Variants in PCDHB13 observed in about 807,000 individuals in gnomAD.
PCDHB13 encodes the protein protocadherin beta 13, also known as protocadherin beta-13.
For missense variants in PCDHB13, 1,065 were observed against 1,016.7 expected, an observed-to-expected ratio of 1.05 and a Z score of -0.65; for synonymous variants, 515 against 450.7, an observed-to-expected ratio of 1.14 and a Z score of -1.81.
Position 141,216,112 on chromosome 5 carries a change from G to A in PCDHB13, c.1989G>A (p.Val663=), listed in dbSNP as rs1554288108. The A allele has an allele frequency of 2.5e-6, 4 of 1,609,098 alleles. No individual in the cohort carries two copies. In the Admixed American group the frequency reaches 6.7e-5, roughly 27 times the overall value. ...CCGCCACGCTGCACGTGCTCCTGGT[G>A]GACGGCTTCTCCCAGCCCTACCTGC... ...SATATLHVLL[V]DGFSQPYLPL... Residue 663 remains valine (V), a synonymous_variant, in exon 1 of 1, where the codon GTG becomes GTA. Transcript: ENST00000341948.
rs781954350 is a variant in PCDHB13, at chr5:141,214,722, C to T, written c.599C>T (p.Ala200Val). Residue 200 changes from alanine (A) to valine (V), a missense_variant, in exon 1 of 1, where the codon GCG (alanine) becomes GTG (valine). Transcript: ENST00000341948. ...RKYPELVLDKALDREEEAELR... is the reference protein window; with the variant it reads ...RKYPELVLDKVLDREEEAELR... Reference sequence around the variant, plus strand: ...TACCCAGAGCTGGTGCTGGACAAAGCGCTGGACCGAGAGGAAGAAGCTGAG... The same window carrying T: ...TACCCAGAGCTGGTGCTGGACAAAGTGCTGGACCGAGAGGAAGAAGCTGAG... The T allele has an allele frequency of 2.2e-5, 35 of 1,613,986 alleles. No individual in the cohort carries two copies. The South Asian group carries it at 3.2e-4, about 15-fold the overall frequency.
Position 141,217,285 on chromosome 5 carries a change from T to C in PCDHB13, c.*765T>C, listed in dbSNP as rs1754640088. On this transcript the variant is annotated 3_prime_UTR_variant, in exon 1 of 1. Transcript: ENST00000341948. ...GTGTTAATGTGTAAAAATTTTTGCC[T>C]GTACTATCATATAATTTAATGTATA... 6.0e-6 allele frequency: 1 copy of C among 167,082 alleles called. No individual in the cohort carries two copies. The highest frequency in any genetic ancestry group is 1.5e-5 in the Non-Finnish European group (1 of 68,140). The allele number at this position is 167,082 out of a possible 1,614,324, so 10.3% of individuals were successfully genotyped here. A position where few individuals can be genotyped will look rare whatever the true frequency, so the allele number is the denominator to read the frequency against.
rs1754512137 is a variant in PCDHB13, at chr5:141,213,919, G to C, written c.-205G>C. 1.7e-6 allele frequency: 1 copy of C among 595,266 alleles called. No individual in the cohort carries two copies. Among genetic ancestry groups the C allele is most frequent in the Non-Finnish European group, 3.1e-6 (1 of 325,304 alleles). 36.9% of individuals were successfully genotyped at this position (595,266 alleles called of 1,614,324 possible). ...GAAGGCACAAACCAGAACCGCAGCT[G>C]CAGCTCCATTAACCGGCAAAAAGCA... On this transcript the variant is annotated 5_prime_UTR_variant, in exon 1 of 1. Transcript: ENST00000341948.
In PCDHB13 at chr5:141,214,722, C is replaced by G; in HGVS notation, c.599C>G (p.Ala200Gly). The change falls in exon 1 of 1, where the codon GCG (alanine) becomes GGG (glycine). Residue 200 changes from alanine (A) to glycine (G), a missense_variant. Ala to Gly is a moderately conservative substitution (Grantham distance 60). Coordinates refer to ENST00000341948, the MANE Select transcript of PCDHB13 (RefSeq NM_018933.4). ...TACCCAGAGCTGGTGCTGGACAAAG[C>G]GCTGGACCGAGAGGAAGAAGCTGAG... ...RKYPELVLDK[A>G]LDREEEAELR... is the part of the protein sequence containing the mutation. 6.2e-7 allele frequency: 1 copy of G among 1,614,104 alleles called. No homozygotes were observed. The highest frequency in any genetic ancestry group is 1.1e-5 in the South Asian group (1 of 91,082).
Position 141,215,281 on chromosome 5 carries a change from T to G in PCDHB13, c.1158T>G (p.Ile386Met). The change falls in exon 1 of 1, where the codon ATT becomes ATG. Residue 386 changes from isoleucine (I) to methionine (M), a missense_variant. Physicochemically the swap from Ile to Met is conservative, Grantham distance 10. Coordinates refer to ENST00000341948, the MANE Select transcript of PCDHB13 (RefSeq NM_018933.4). ...AAAATGGGAAAATTAGTTGCTCCAT[T>G]CAGGAGGATCTACCCTTCCTCCTGA... The part of the protein sequence containing the change: ...SGENGKISCS[I>M]QEDLPFLLKS... The G allele has an allele frequency of 3.1e-6, 5 of 1,614,042 alleles. No individual in the cohort carries two copies. The highest frequency in any genetic ancestry group is 4.2e-6 in the Non-Finnish European group (5 of 1,180,012).
rs370660072 is a variant in PCDHB13 at position 141,216,546 on chromosome 5, G to T, written c.*26G>T. 6.4e-7 allele frequency: 1 copy of T among 1,559,244 alleles called. No individual in the cohort carries two copies. The highest frequency in any genetic ancestry group is 1.1e-5 in the South Asian group (1 of 89,874). ...CCATAGTTGACTTTTACATTCCATA[G>T]GTATTTTATTTTGTGGCATTTCCAT... is the stretch of plus-strand genomic sequence containing the variant. On this transcript the variant is annotated 3_prime_UTR_variant, in exon 1 of 1. Coordinates refer to ENST00000341948, the MANE Select transcript of PCDHB13 (RefSeq NM_018933.4).
At position 141,214,946 on chromosome 5, in the gene PCDHB13, A is replaced by G. The variant is rs1554287757; in HGVS notation, c.823A>G (p.Asn275Asp). Residue 275 changes from asparagine (N) to aspartate (D), a missense_variant, in exon 1 of 1, where the codon AAC becomes GAC. Transcript: ENST00000341948. Reference sequence around the variant, plus strand: ...TGCCACGGATGTAGACACAGGAGTCAACGGAGAGATTTCCTATTCACTTTT... The same window carrying G: ...TGCCACGGATGTAGACACAGGAGTCGACGGAGAGATTTCCTATTCACTTTT... ...VSATDVDTGV[N>D]GEISYSLFQA... 4.3e-6 allele frequency: 7 copies of G among 1,614,126 alleles called. No homozygotes were observed. The highest frequency in any genetic ancestry group is 5.9e-6 in the Non-Finnish European group (7 of 1,180,048).
rs782573875 is a variant in PCDHB13 at position 141,215,979 on chromosome 5, C to A, written c.1856C>A (p.Ala619Glu). Reference sequence around the variant, plus strand: ...GAGCTCGGTCTGTTCGGCGTGTGGGCGCACAATGGCGAGGTGCGCACCGCC... The same window carrying A: ...GAGCTCGGTCTGTTCGGCGTGTGGGAGCACAATGGCGAGGTGCGCACCGCC... ...ATELGLFGVW[A>E]HNGEVRTARL... Residue 619 changes from alanine to glutamate, a missense_variant, in exon 1 of 1, where the codon GCG (alanine) becomes GAG (glutamate). Physicochemically the swap from Ala to Glu is moderately radical, Grantham distance 107 (BLOSUM62 -1). Coordinates refer to ENST00000341948, the MANE Select transcript of PCDHB13 (RefSeq NM_018933.4). The A allele has an allele frequency of 6.2e-7, 1 of 1,606,958 alleles. No homozygotes were observed. The highest frequency in any genetic ancestry group is 1.3e-5 in the African/African-American group (1 of 74,860).
rs782518770 is a variant in PCDHB13, at chr5:141,216,679, AT to A, written c.*161del. ...TGTTTTAAAGTGAACATTTACCTTT[AT>A]TCCTGGTTCTTAAAAGGTGACAATT... On this transcript the variant is annotated 3_prime_UTR_variant, in exon 1 of 1. Coordinates refer to ENST00000341948, the MANE Select transcript of PCDHB13 (RefSeq NM_018933.4). 21 of 773,064 alleles carry A rather than the reference AT, an allele frequency of 2.7e-5. 1 individual carries two copies. The Admixed American group carries it at 4.0e-4, about 15-fold the overall frequency. 47.9% of individuals were successfully genotyped at this position (773,064 alleles called of 1,614,324 possible). A position where few individuals can be genotyped will look rare whatever the true frequency, so the allele number is the denominator to read the frequency against.
At position 141,215,337 on chromosome 5, in the gene PCDHB13, C is replaced by T. The variant is rs1415617021; in HGVS notation, c.1214C>T (p.Thr405Met). Residue 405 changes from threonine to methionine, a missense_variant, in exon 1 of 1, where the codon ACG becomes ATG. Physicochemically the swap from Thr to Met is moderately conservative, Grantham distance 81. Coordinates refer to ENST00000341948, the MANE Select transcript of PCDHB13 (RefSeq NM_018933.4). ...GCGGAAAACTTTTACACCCTACTAA[C>T]GGAGAGACCACTAGACAGAGAAAGC... Reference protein sequence around the residue: ...KSAENFYTLLTERPLDRESRA... With the variant: ...KSAENFYTLLMERPLDRESRA... 1.2e-6 allele frequency: 2 copies of T among 1,614,042 alleles called. No homozygotes were observed. The highest frequency in any genetic ancestry group is 1.3e-5 in the African/African-American group (1 of 74,914).
Position 141,216,848 on chromosome 5 carries a change from G to A in PCDHB13, c.*328G>A, listed in dbSNP as rs577797019. 1.2e-5 allele frequency: 4 copies of A among 336,350 alleles called. No homozygotes were observed. Among genetic ancestry groups the A allele is most frequent in the South Asian group, 9.6e-5 (3 of 31,130 alleles). The allele number at this position is 336,350 out of a possible 1,614,324, so 20.8% of individuals were successfully genotyped here. A position where few individuals can be genotyped will look rare whatever the true frequency, so the allele number is the denominator to read the frequency against. On this transcript the variant is annotated 3_prime_UTR_variant, in exon 1 of 1. Coordinates refer to ENST00000341948, the MANE Select transcript of PCDHB13 (RefSeq NM_018933.4). Reference sequence around the variant, plus strand: ...ATGGTAAAATTAAATAGAGCAATTTGGAAGTGATTCCAATTTTCCAGCATT... The same window carrying A: ...ATGGTAAAATTAAATAGAGCAATTTAGAAGTGATTCCAATTTTCCAGCATT...
In PCDHB13 at chr5:141,215,726, G is replaced by C. The variant is rs1396088859; in HGVS notation, c.1603G>C (p.Asp535His). ...QGFQFRVGAS[D>H]HGSPALSSEA... is the part of the protein sequence containing the mutation. ...GTTCCAGTTCCGCGTGGGCGCTTCA[G>C]ACCACGGCTCCCCGGCGCTGAGCAG... The change falls in exon 1 of 1, where the codon GAC (aspartate) becomes CAC (histidine). Residue 535 changes from aspartate (D) to histidine (H), a missense_variant. Transcript: ENST00000341948. 1 of 1,612,484 alleles carries C rather than the reference G, an allele frequency of 6.2e-7. No individual in the cohort carries two copies. The highest frequency in any genetic ancestry group is 1.3e-5 in the African/African-American group (1 of 75,018).
rs1160165984 is a variant in PCDHB13, at chr5:141,217,190, C to G, written c.*670C>G. On this transcript the variant is annotated 3_prime_UTR_variant, in exon 1 of 1. Transcript: ENST00000341948. ...ATTTTTTAATTAATGTCACAAAGCT[C>G]TAGTGCAATCTAGTTGAATGCAGAT... 1 of 167,206 alleles carries G rather than the reference C, an allele frequency of 6.0e-6. No individual in the cohort carries two copies. The highest frequency in any genetic ancestry group is 2.4e-5 in the African/African-American group (1 of 41,394). 10.4% of individuals were successfully genotyped at this position (167,206 alleles called of 1,614,324 possible).
In PCDHB13 at chr5:141,216,281, G is replaced by A. The variant is rs781835673; in HGVS notation, c.2158G>A (p.Ala720Thr). 4.3e-6 allele frequency: 7 copies of A among 1,613,766 alleles called. No individual in the cohort carries two copies. In the African/African-American group the frequency reaches 8.0e-5, roughly 18 times the overall value. Residue 720 changes from alanine to threonine, a missense_variant, in exon 1 of 1, where the codon GCC becomes ACC. Transcript: ENST00000341948. ...AVRLCRRSRA[A>T]SVGRCLVPEG... ...GCGGCTGTGTAGGAGGAGCAGGGCG[G>A]CCTCGGTGGGTCGCTGCTTGGTGCC...
At position 141,215,363 on chromosome 5, in the gene PCDHB13, A is replaced by G. The variant is rs782469518; in HGVS notation, c.1240A>G (p.Arg414Gly). The change falls in exon 1 of 1, where the codon AGA becomes GGA. Residue 414 changes from arginine (R) to glycine (G), a missense_variant. Transcript: ENST00000341948. ...LTERPLDRESRAEYNITITVT... is the reference protein window; with the variant it reads ...LTERPLDRESGAEYNITITVT... Reference sequence around the variant, plus strand: ...GGAGAGACCACTAGACAGAGAAAGCAGAGCGGAATACAACATCACTATCAC... The same window carrying G: ...GGAGAGACCACTAGACAGAGAAAGCGGAGCGGAATACAACATCACTATCAC... 1.2e-6 allele frequency: 2 copies of G among 1,614,212 alleles called. No homozygotes were observed. Among genetic ancestry groups the G allele is most frequent in the Non-Finnish European group, 1.7e-6 (2 of 1,180,038 alleles).
chr5:141,214,948 C>G lies in PCDHB13; in HGVS notation c.825C>G (p.Asn275Lys), dbSNP rs148254417. ...CCACGGATGTAGACACAGGAGTCAA[C>G]GGAGAGATTTCCTATTCACTTTTCC... ...VSATDVDTGV[N>K]GEISYSLFQA... Residue 275 changes from asparagine (N) to lysine (K), a missense_variant, in exon 1 of 1, where the codon AAC becomes AAG. Transcript: ENST00000341948. 21 of 1,614,138 alleles carry G rather than the reference C, an allele frequency of 1.3e-5. No homozygotes were observed. In the Middle Eastern group the frequency reaches 4.9e-4, roughly 38 times the overall value.
rs1554288226 is a variant in PCDHB13, at chr5:141,216,555, T to G, written c.*35T>G. 2 of 1,519,200 alleles carry G rather than the reference T, an allele frequency of 1.3e-6. No individual in the cohort carries two copies. The highest frequency in any genetic ancestry group is 2.7e-5 in the African/African-American group (2 of 73,112). 94.1% of individuals were successfully genotyped at this position (1,519,200 alleles called of 1,614,324 possible). A position where few individuals can be genotyped will look rare whatever the true frequency, so the allele number is the denominator to read the frequency against. On this transcript the variant is annotated 3_prime_UTR_variant, in exon 1 of 1. Coordinates refer to ENST00000341948, the MANE Select transcript of PCDHB13 (RefSeq NM_018933.4). The stretch of plus-strand genomic sequence containing the variant: ...ACTTTTACATTCCATAGGTATTTTA[T>G]TTTGTGGCATTTCCATGCCAATGTT...
Position 141,215,440 on chromosome 5 carries a change from G to A in PCDHB13, c.1317G>A (p.Val439=), listed in dbSNP as rs1554287905. 2.5e-6 allele frequency: 4 copies of A among 1,614,134 alleles called. No individual in the cohort carries two copies. The South Asian group carries it at 4.4e-5, about 18-fold the overall frequency. ...PMLITQLNMT[V]LIADVNDNAP... is the part of the protein sequence containing the mutation. ...TGATAACACAGCTCAATATGACCGT[G>A]CTGATCGCCGATGTCAATGACAACG... The change falls in exon 1 of 1, where the codon GTG becomes GTA. Residue 439 remains valine, a synonymous_variant. Transcript: ENST00000341948.
Position 141,216,294 on chromosome 5 carries a change from G to T in PCDHB13, c.2171G>T (p.Arg724Leu), listed in dbSNP as rs1563989905. ...AGGAGCAGGGCGGCCTCGGTGGGTCGCTGCTTGGTGCCCGAGGGCCCCCTT... is the reference window on the plus strand; with the variant it reads ...AGGAGCAGGGCGGCCTCGGTGGGTCTCTGCTTGGTGCCCGAGGGCCCCCTT... ...CRRSRAASVG[R>L]CLVPEGPLPG... is the part of the protein sequence containing the mutation. Residue 724 changes from arginine to leucine, a missense_variant, in exon 1 of 1, where the codon CGC becomes CTC. Transcript: ENST00000341948. The T allele has an allele frequency of 1.9e-6, 3 of 1,613,656 alleles. No homozygotes were observed. The highest frequency in any genetic ancestry group is 2.5e-6 in the Non-Finnish European group (3 of 1,179,960).
Sources: gnomAD v4.1 joint callset for allele counts on GRCh38, gnomAD v4.1.1 for gene constraint, MANE v1.5 for transcripts, NCBI Gene and HGNC (gene_info 2026-07-23, HGNC 2026-07-21) for gene names.